SYNPR: variants seen among roughly 807,000 people sequenced by gnomAD.
SYNPR encodes the protein synaptoporin.
Under a neutral mutation model 32.9 loss-of-function variants are expected in SYNPR, and 23 were observed. The observed-to-expected ratio is 0.70, with a 90% CI of 0.50 to 0.99. The LOEUF is 0.99. Ranked by LOEUF, SYNPR falls within the 50% of genes least tolerant of loss-of-function variation. The probability of loss-of-function intolerance (pLI) is 0.00; values close to 1 mark genes in which losing one functional copy is unlikely to be tolerated. For synonymous variants in SYNPR, 146 were observed against 135.9 expected (o/e 1.07, Z -0.52); for missense variants, 318 against 349.3 (o/e 0.91, Z 0.71).
Position 63,519,715 on chromosome 3 carries a change from C to T in SYNPR, c.210-36828C>T, listed in dbSNP as rs187861278. On this transcript the variant is annotated intron_variant, in intron 3 of 5. Coordinates refer to ENST00000478300, the MANE Select transcript of SYNPR (RefSeq NM_001130003.2). ...AGGGCAGTATTTTACATCTATTCCC[C>T]AAACCTGATGCTAAGCAGTAACATG... Among the ~76,000 whole-genome samples the T allele has an allele frequency of 4.6e-5, 7 of 152,292 alleles. No homozygotes were observed. The South Asian group carries it at 1.0e-3, about 23-fold the overall frequency.
chr3:63,445,142 A>G (rs1288306885), intron 2 of SYNPR, among the ~76,000 whole-genome samples: 1 of 152,060 alleles, frequency 6.6e-6, no homozygotes, highest in Non-Finnish European at 1.5e-5. Context: ...TGGCTGTAAC[A>G]GGTTGTATGT....
At chr3:63,337,825 CA>C (rs1332958317) in intron 2 of SYNPR, among the ~76,000 whole-genome samples, 3 of 151,764 alleles carry the variant, frequency 2.0e-5, no homozygotes, top group Non-Finnish European at 4.4e-5. Flanking sequence ...CTATAGAAAC[CA>C]AAAAAAGATC....
chr3:63,390,314 T>G (rs768570032), intron 2 of SYNPR, among the ~76,000 whole-genome samples: 2 of 152,166 alleles, frequency 1.3e-5, no homozygotes, highest in Non-Finnish European at 2.9e-5. Context: ...CAGGTGGCTG[T>G]TAAGTACATC....
chr3:63,300,739 G>A (rs1349201471), intron 2 of SYNPR, among the ~76,000 whole-genome samples: 1 of 151,986 alleles, frequency 6.6e-6, no homozygotes, highest in Non-Finnish European at 1.5e-5. Flanking sequence ...TTACAGTCTA[G>A]AATAACTGGT....
At chr3:63,272,141 A>G (rs1042739281) in intron 3 of SYNPR, among the ~76,000 whole-genome samples, 2 of 152,188 alleles carry the variant, frequency 1.3e-5, no homozygotes, top group Non-Finnish European at 2.9e-5. Flanking sequence ...TATTTCTTAG[A>G]CTTTTAGTAG....
intron 4 of SYNPR, among the ~76,000 whole-genome samples, chr3:63,563,830 G>A (rs1414020572): frequency 6.6e-6 from 1 of 152,102 alleles, no homozygotes; most frequent in African/African-American, 2.4e-5. Context: ...ATCTTGCCTA[G>A]AAGTGAGGGC....
At chr3:63,424,177 G>T (rs1053359583) in intron 2 of SYNPR, among the ~76,000 whole-genome samples, 5 of 152,104 alleles carry the variant, frequency 3.3e-5, no homozygotes, top group African/African-American at 1.2e-4. Flanking sequence ...TAGTAATGTC[G>T]AAAATAAAGG....
intron 2 of SYNPR, among the ~76,000 whole-genome samples, chr3:63,290,113 C>T (rs1303325489): frequency 6.8e-6 from 1 of 146,172 alleles, no homozygotes; most frequent in Non-Finnish European, 1.5e-5. Context: ...CTGGGTGACA[C>T]AGCAAGACTC....
chr3:63,201,108 A>G, the SYNPR span, among the ~76,000 whole-genome samples: 1 of 152,220 alleles, frequency 6.6e-6, no homozygotes, highest in Admixed American at 6.5e-5. Flanking sequence ...TCCCTAAAAA[A>G]GAGAAATAAG....
At chr3:63,430,882 C>T (rs1699981127) in intron 2 of SYNPR, among the ~76,000 whole-genome samples, 1 of 152,228 alleles carries the variant, frequency 6.6e-6, no homozygotes, top group Middle Eastern at 3.4e-3. Context: ...AGTAAGTGTT[C>T]CATGAGTATC....
chr3:63,507,600 C>T (rs145015400), intron 3 of SYNPR, among the ~76,000 whole-genome samples: 1,696 of 152,110 alleles, frequency 0.011, 35 homozygotes, highest in African/African-American at 0.038. Flanking sequence ...TTTATAAAAG[C>T]GGTGTAGGAT....
chr3:63,401,924 G>C (rs2088298318), intron 2 of SYNPR, among the ~76,000 whole-genome samples: 1 of 152,134 alleles, frequency 6.6e-6, no homozygotes, highest in Admixed American at 6.6e-5. Flanking sequence ...GCCAGTAGGA[G>C]ATAAAGAAAG....
chr3:63,311,852 T>G (rs1331557681), intron 2 of SYNPR, among the ~76,000 whole-genome samples: 2 of 152,044 alleles, frequency 1.3e-5, no homozygotes, highest in Admixed American at 1.3e-4. Context: ...TTTAATACCC[T>G]ATTGAACTCA....
intron 3 of SYNPR, among the ~76,000 whole-genome samples, chr3:63,551,825 C>A (rs546437199): frequency 1.3e-5 from 2 of 152,176 alleles, no homozygotes; most frequent in Admixed American, 6.5e-5. Flanking sequence ...GGACAGGCAC[C>A]ATTCCATCTC....
At chr3:63,525,387 G>A (rs973159801) in intron 3 of SYNPR, among the ~76,000 whole-genome samples, 1 of 152,142 alleles carries the variant, frequency 6.6e-6, no homozygotes, top group African/African-American at 2.4e-5. Flanking sequence ...TGCAGTTGAG[G>A]CCCAGGTATT....
chr3:63,300,330 C>CA (rs2086830992), intron 2 of SYNPR, among the ~76,000 whole-genome samples: 1 of 62,572 alleles, frequency 1.6e-5, no homozygotes, highest in African/African-American at 4.4e-5. Context: ...ACATTCTTTG[C>CA]TTCTATCTAT....
chr3:63,337,281 T>C (rs2087307374), intron 2 of SYNPR, among the ~76,000 whole-genome samples: 1 of 142,422 alleles, frequency 7.0e-6, no homozygotes, highest in Non-Finnish European at 1.5e-5. Context: ...AATGTCATTA[T>C]AGAACTGCAA....
intron 3 of SYNPR, among the ~76,000 whole-genome samples, chr3:63,520,206 G>A (rs1431208313): frequency 6.6e-6 from 1 of 152,068 alleles, no homozygotes; most frequent in East Asian, 1.9e-4. Flanking sequence ...GGTAGCTTTT[G>A]TATTTTAACA....
At chr3:63,223,442 T>C (rs2086105050), upstream of SYNPR, among the ~76,000 whole-genome samples, 1 of 151,988 alleles carries the variant, frequency 6.6e-6, no homozygotes, top group South Asian at 2.1e-4. Flanking sequence ...TTTTGAGTTT[T>C]CCACCTGATG....
Sources: allele counts gnomAD v4.1 joint callset (sites outside exome capture counted in the v4.1 genomes callset), GRCh38; gene constraint gnomAD v4.1.1; transcripts MANE v1.5; gene names NCBI Gene and HGNC (gene_info 2026-07-23, HGNC 2026-07-21).